The following STRBP variants were observed in gnomAD, a reference collection of about 807,000 sequenced individuals.
STRBP encodes spermatid perinuclear RNA-binding protein.
Under a neutral mutation model 80.1 loss-of-function variants are expected in STRBP, and 13 were observed. That is an observed-to-expected ratio of 0.16 (90% CI 0.11 to 0.26). STRBP has a LOEUF of 0.26. Ranked by LOEUF, STRBP falls within the 10% of genes least tolerant of loss-of-function variation. The probability of loss-of-function intolerance (pLI) is 1.00; values close to 1 mark genes in which losing one functional copy is unlikely to be tolerated. For missense variants in STRBP, 485 were observed against 815.2 expected, an observed-to-expected ratio of 0.59 and a Z score of 4.93; for synonymous variants, 284 against 291.2, an observed-to-expected ratio of 0.98 and a Z score of 0.25.
intron 2 of STRBP, among the ~76,000 whole-genome samples, chr9:123,200,249 C>T (rs2039265887): frequency 6.6e-6 from 1 of 152,074 alleles, no homozygotes; most frequent in South Asian, 2.1e-4. Context: ...GATTCTGTAC[C>T]CATTCTGCCA....
chr9:123,196,362 A>G (rs1419932602), intron 2 of STRBP, among the ~76,000 whole-genome samples: 1 of 152,202 alleles, frequency 6.6e-6, no homozygotes, highest in African/African-American at 2.4e-5. Flanking sequence ...CAAGGCAAAA[A>G]TGGACAAATG....
At chr9:123,205,123 G>T (rs1307681227) in intron 2 of STRBP, among the ~76,000 whole-genome samples, 1 of 151,720 alleles carries the variant, frequency 6.6e-6, no homozygotes, top group East Asian at 1.9e-4. Flanking sequence ...AAAATTAGCT[G>T]GGTGTGGTGG....
intron 2 of STRBP, among the ~76,000 whole-genome samples, chr9:123,228,412 G>C (rs2040305323): frequency 6.6e-6 from 1 of 152,168 alleles, no homozygotes; most frequent in Admixed American, 6.5e-5. Flanking sequence ...AGAGAAAGGA[G>C]TAAATAACAA....
chr9:123,241,452 AG>A (rs1214449179), intron 1 of STRBP, among the ~76,000 whole-genome samples: 1 of 152,024 alleles, frequency 6.6e-6, no homozygotes, highest in Admixed American at 6.6e-5. Flanking sequence ...AAGGTTGCAG[AG>A]AGCCGTGATC....
intron 2 of STRBP, among the ~76,000 whole-genome samples, chr9:123,205,949 A>G (rs1167538495): frequency 1.3e-5 from 2 of 152,338 alleles, no homozygotes; most frequent in African/African-American, 2.4e-5. Flanking sequence ...AACCACTGGA[A>G]AAAGTAATTT....
intron 2 of STRBP, among the ~76,000 whole-genome samples, chr9:123,204,869 A>T (rs2039456757): frequency 6.9e-6 from 1 of 144,488 alleles, no homozygotes; most frequent in Non-Finnish European, 1.5e-5. Context: ...GGTTGCAGTG[A>T]GCCGAGACTG....
intron 11 of STRBP, among the ~76,000 whole-genome samples, chr9:123,156,634 C>T (rs2037296888): frequency 6.6e-6 from 1 of 151,132 alleles, no homozygotes; most frequent in African/African-American, 2.4e-5. Context: ...TCACATGTAG[C>T]CTCTGGAAAA....
chr9:123,226,246 T>C (rs534518445), intron 2 of STRBP, among the ~76,000 whole-genome samples: 18 of 152,312 alleles, frequency 1.2e-4, no homozygotes, highest in Non-Finnish European at 2.1e-4. Context: ...ACTGACTACA[T>C]GGCACTGAAA....
At chr9:123,223,255 A>C (rs1181438779) in intron 2 of STRBP, among the ~76,000 whole-genome samples, 1 of 152,226 alleles carries the variant, frequency 6.6e-6, no homozygotes, top group Non-Finnish European at 1.5e-5. Flanking sequence ...TTTTTAAAGC[A>C]TGAAAGTATT....
At chr9:123,190,772 A>G (rs2132483772) in intron 2 of STRBP, among the ~76,000 whole-genome samples, 1 of 152,338 alleles carries the variant, frequency 6.6e-6, no homozygotes, top group East Asian at 1.9e-4. Context: ...ACTGTCAGTG[A>G]GCAAAATGGA....
intron 1 of STRBP, among the ~76,000 whole-genome samples, chr9:123,262,265 G>A (rs1246453351): frequency 2.0e-5 from 3 of 152,086 alleles, no homozygotes; most frequent in Non-Finnish European, 4.4e-5. Flanking sequence ...CTTAATAATG[G>A]CATACTAAAA....
chr9:123,149,074 A>C (rs896631536), intron 11 of STRBP, among the ~76,000 whole-genome samples: 4 of 152,194 alleles, frequency 2.6e-5, no homozygotes, highest in African/African-American at 9.6e-5. Context: ...CTTCACTTTA[A>C]AAGTTAGTTG....
chr9:123,178,733 TTGAA>T (rs2038327897), intron 4 of STRBP, among the ~76,000 whole-genome samples: 4 of 152,162 alleles, frequency 2.6e-5, no homozygotes, highest in Admixed American at 6.5e-5. Flanking sequence ...GATCATAACT[TTGAA>T]ACATAATGAT....
rs1469402795 is a variant in STRBP at position 123,198,051 on chromosome 9, A to T, written c.-164-13753T>A. ...GGTTTTAATCTGCATTTCCCTGGTG[A>T]TTAGTGATGTTGAGCATTTTTTTCA... On this transcript the variant is annotated intron_variant, in intron 2 of 18. Coordinates refer to ENST00000348403, the MANE Select transcript of STRBP (RefSeq NM_018387.5). 2.6e-5 allele frequency among the ~76,000 whole-genome samples: 4 copies of T among 152,008 alleles called. 1 individual carries two copies. Among genetic ancestry groups the T allele is most frequent in the Non-Finnish European group, 4.4e-5 (3 of 67,994 alleles).
chr9:123,138,805 T>A (rs986359366), intron 14 of STRBP, among the ~76,000 whole-genome samples: 5 of 152,356 alleles, frequency 3.3e-5, no homozygotes, highest in African/African-American at 9.6e-5. Flanking sequence ...ATTTATGGAC[T>A]GAAAAAATTA....
rs955578349 is a variant in STRBP, at chr9:123,121,770, A to G, written c.*3827T>C. The G allele has an allele frequency of 6.6e-6, 1 of 152,186 alleles. No homozygotes were observed. The highest frequency in any genetic ancestry group is 1.5e-5 in the Non-Finnish European group (1 of 68,084). 9.4% of individuals were successfully genotyped at this position (152,186 alleles called of 1,614,324 possible). Reference sequence around the variant, plus strand: ...TGATCCTCAGCTTGTGTAACAGCTTACACATACAGATCCTACCAGCACTAT... The same window carrying G: ...TGATCCTCAGCTTGTGTAACAGCTTGCACATACAGATCCTACCAGCACTAT... On this transcript the variant is annotated 3_prime_UTR_variant, in exon 19 of 19. Transcript: ENST00000348403.
At chr9:123,240,263 T>G (rs1221809388) in intron 1 of STRBP, among the ~76,000 whole-genome samples, 1 of 151,360 alleles carries the variant, frequency 6.6e-6, no homozygotes, top group Non-Finnish European at 1.5e-5. Context: ...CTCAACCACT[T>G]AATATACTGT....
rs1467272910 is a variant in STRBP at position 123,199,419 on chromosome 9, T to C, written c.-164-15121A>G. On this transcript the variant is annotated intron_variant, in intron 2 of 18. Transcript: ENST00000348403. ...TTGTTTTTTCTAATTCTGTGAAAAA[T>C]GATGTTGGTATTTTGATGGGAAGTG... is the stretch of plus-strand genomic sequence containing the variant. 4.6e-5 allele frequency among the ~76,000 whole-genome samples: 7 copies of C among 152,286 alleles called. No individual in the cohort carries two copies. The East Asian group carries it at 1.4e-3, about 29-fold the overall frequency.
At chr9:123,160,225 T>G in intron 8 of STRBP, 142 bp downstream of exon 8, 1 of 493,194 alleles carries the variant, frequency 2.0e-6, no homozygotes, top group East Asian at 3.3e-5. Context: ...AAAAGATGCT[T>G]TATTTTTTTT....
Sources: allele counts gnomAD v4.1 joint callset (sites outside exome capture counted in the v4.1 genomes callset), GRCh38; gene constraint gnomAD v4.1.1; transcripts MANE v1.5; gene names NCBI Gene and HGNC (gene_info 2026-07-23, HGNC 2026-07-21).